Variants in ATP6V1D observed in about 807,000 individuals in gnomAD.
ATP6V1D encodes the protein ATPase H+ transporting V1 subunit D, also known as V-type proton ATPase subunit D.
A neutral mutation model predicts 39.4 loss-of-function variants in ATP6V1D; 20 were observed. The observed-to-expected ratio is 0.51, with a 90% CI of 0.36 to 0.74. The LOEUF (loss-of-function observed/expected upper bound fraction) is 0.74. Ranked by LOEUF, ATP6V1D falls within the 30% of genes least tolerant of loss-of-function variation. The probability of loss-of-function intolerance (pLI) is 0.00; values close to 1 mark genes in which losing one functional copy is unlikely to be tolerated. For synonymous variants in ATP6V1D, 100 were observed against 100.5 expected (o/e 0.99, Z 0.03); for missense variants, 228 against 291.6 (o/e 0.78, Z 1.59).
rs200215027 is a variant in ATP6V1D, at chr14:67,350,700, C to T, written c.160-10G>A. ...CCATCAACATTTTAGTCTGGAAAAG[C>T]ATAAACCAACAGCAGATTCAACCAA... On this transcript the variant is annotated splice_polypyrimidine_tract_variant and intron_variant, in intron 2 of 8. Transcript: ENST00000216442. 1 of 1,611,476 alleles carries T rather than the reference C, an allele frequency of 6.2e-7. No individual in the cohort carries two copies. The highest frequency in any genetic ancestry group is 8.5e-7 in the Non-Finnish European group (1 of 1,178,372).
At chr14:67,358,168 C>T (rs1000238844) in intron 1 of ATP6V1D, among the ~76,000 whole-genome samples, 2 of 152,068 alleles carry the variant, frequency 1.3e-5, no homozygotes, top group Non-Finnish European at 1.5e-5. Context: ...AAACTAGTGT[C>T]GATGTCTTTC....
chr14:67,349,182 A>G, intron 3 of ATP6V1D, 78 bp from the exon 4 acceptor site: 1 of 1,331,796 alleles, frequency 7.5e-7, no homozygotes, highest in South Asian at 1.2e-5. Flanking sequence ...TAGTTTTAAC[A>G]TTAAATGAGA....
At position 67,338,562 on chromosome 14, in the gene ATP6V1D, C is replaced by T. The variant is rs2085556553; in HGVS notation, c.*59G>A. On this transcript the variant is annotated 3_prime_UTR_variant, in exon 9 of 9. Coordinates refer to ENST00000216442, the MANE Select transcript of ATP6V1D (RefSeq NM_015994.4). ...AATAGCCACACAAATCAAACCTACA[C>T]ACTGTGAATTAAAATGAAGCCAGTG... 2.6e-6 allele frequency: 4 copies of T among 1,567,610 alleles called. No individual in the cohort carries two copies. The highest frequency in any genetic ancestry group is 3.5e-6 in the Non-Finnish European group (4 of 1,155,856).
Position 67,350,692 on chromosome 14 carries a change from T to C in ATP6V1D, c.160-2A>G, listed in dbSNP as rs1391965389. The stretch of plus-strand genomic sequence containing the variant: ...CACTTCGCCCATCAACATTTTAGTC[T>C]GGAAAAGCATAAACCAACAGCAGAT... On this transcript the variant is annotated splice_acceptor_variant, in intron 2 of 8. Coordinates refer to ENST00000216442, the MANE Select transcript of ATP6V1D (RefSeq NM_015994.4). LOFTEE classifies it high-confidence loss of function. 5 of 1,612,882 alleles carry C rather than the reference T, an allele frequency of 3.1e-6. No homozygotes were observed. Among genetic ancestry groups the C allele is most frequent in the Non-Finnish European group, 4.2e-6 (5 of 1,179,348 alleles).
At chr14:67,346,160 G>T (rs1338814852) in intron 5 of ATP6V1D, among the ~76,000 whole-genome samples, 1 of 152,100 alleles carries the variant, frequency 6.6e-6, no homozygotes, top group Non-Finnish European at 1.5e-5. Flanking sequence ...AAATCATACT[G>T]CCTGATGCCC....
chr14:67,358,803 C>T (rs1056079455), intron 1 of ATP6V1D, among the ~76,000 whole-genome samples: 2 of 152,288 alleles, frequency 1.3e-5, no homozygotes, highest in South Asian at 4.1e-4. Flanking sequence ...TACAAACTAG[C>T]CAAACACCTA....
intron 7 of ATP6V1D, 85 bp downstream of exon 7, chr14:67,343,287 A>G: frequency 9.8e-7 from 1 of 1,024,392 alleles, no homozygotes; most frequent in Admixed American, 2.1e-5. Flanking sequence ...TTCAGTCTTC[A>G]GTACAGTCCC....
chr14:67,355,329 GC>G (rs1412444263), intron 1 of ATP6V1D, among the ~76,000 whole-genome samples: 1 of 150,994 alleles, frequency 6.6e-6, no homozygotes, highest in Non-Finnish European at 1.5e-5. Flanking sequence ...CCCATCAGAA[GC>G]CCCAATACCA....
chr14:67,340,380 A>G (rs1167811798), intron 8 of ATP6V1D, 60 bp downstream of exon 8: 1 of 1,432,888 alleles, frequency 7.0e-7, no homozygotes, highest in African/African-American at 1.4e-5. Flanking sequence ...TCATTCAGCA[A>G]ATACAGCCTT....
intron 1 of ATP6V1D, among the ~76,000 whole-genome samples, chr14:67,355,449 CAAAAAAAAAAAA>C (rs564931669): frequency 2.1e-3 from 40 of 18,958 alleles, no homozygotes; most frequent in Admixed American, 0.011. Flanking sequence ...GACCCTGTCT[CAAAAAAAAAAAA>C]AAAAAAAAAA....
intron 1 of ATP6V1D, among the ~76,000 whole-genome samples, chr14:67,357,264 G>GC (rs751743707): frequency 6.6e-6 from 1 of 152,234 alleles, no homozygotes; most frequent in Non-Finnish European, 1.5e-5. Flanking sequence ...ATATTTTCTA[G>GC]CCTATGGCTT....
chr14:67,343,560 C>T, intron 6 of ATP6V1D, 122 bp from the exon 7 acceptor site: 1 of 748,868 alleles, frequency 1.3e-6, no homozygotes, highest in Non-Finnish European at 2.2e-6. Flanking sequence ...TTCTTTTTGG[C>T]ATGCTTAAAA....
chr14:67,341,688 C>A (rs1004846522), intron 7 of ATP6V1D, among the ~76,000 whole-genome samples: 1 of 152,240 alleles, frequency 6.6e-6, no homozygotes, highest in Non-Finnish European at 1.5e-5. Context: ...GAGGTGTACC[C>A]AACAGCTCAC....
intron 6 of ATP6V1D, among the ~76,000 whole-genome samples, chr14:67,345,482 G>A (rs1305146703): frequency 6.6e-6 from 1 of 152,036 alleles, no homozygotes; most frequent in African/African-American, 2.4e-5. Context: ...TTGAACCCAG[G>A]AGGCAGAGGT....
rs1313883223 is a variant in ATP6V1D at position 67,338,479 on chromosome 14, C to A, written c.*142G>T. Reference sequence around the variant, plus strand: ...AAATTATGATTCTGCAAAAGTAATCCCATAAATAGACATCTAGGTAAATTT... The same window carrying A: ...AAATTATGATTCTGCAAAAGTAATCACATAAATAGACATCTAGGTAAATTT... On this transcript the variant is annotated 3_prime_UTR_variant, in exon 9 of 9. Transcript: ENST00000216442. The A allele has an allele frequency of 5.6e-6, 5 of 886,814 alleles. No individual in the cohort carries two copies. The highest frequency in any genetic ancestry group is 2.1e-5 in the South Asian group (1 of 47,544). 54.9% of individuals were successfully genotyped at this position (886,814 alleles called of 1,614,324 possible).
At chr14:67,342,423 T>G (rs1375896060) in intron 7 of ATP6V1D, among the ~76,000 whole-genome samples, 1 of 151,416 alleles carries the variant, frequency 6.6e-6, no homozygotes, top group African/African-American at 2.4e-5. Context: ...ATTTTAAATA[T>G]AGTAGCAATC....
At chr14:67,353,282 G>A (rs1332449378) in intron 1 of ATP6V1D, among the ~76,000 whole-genome samples, 2 of 152,158 alleles carry the variant, frequency 1.3e-5, no homozygotes, top group East Asian at 3.8e-4. Flanking sequence ...AGAGATGACT[G>A]GGTCATCTGG....
chr14:67,338,646 T>G lies in ATP6V1D; in HGVS notation c.719A>C (p.Lys240Thr). The change falls in exon 9 of 9, where the codon AAG becomes ACG. Residue 240 changes from lysine (K) to threonine (T), a missense_variant. Lys to Thr is a moderately conservative substitution (Grantham distance 78). Around this residue, in one of 3 missense-constraint regions of ATP6V1D, gnomAD observed 114 missense variants for 128.3 expected, o/e 0.89. Transcript: ENST00000216442. Reference protein sequence around the residue: ...LEPANLLAEEKDEDLLFE With the variant: ...LEPANLLAEETDEDLLFE ...TTATTCAAATAGAAGATCCTCGTCC[T>G]TCTCTTCAGCCAGAAGATTAGCAGG... 1 of 1,614,088 alleles carries G rather than the reference T, an allele frequency of 6.2e-7. No individual in the cohort carries two copies. The highest frequency in any genetic ancestry group is 1.3e-5 in the African/African-American group (1 of 75,068).
chr14:67,351,662 C>G (rs532372216), intron 2 of ATP6V1D, among the ~76,000 whole-genome samples: 59 of 152,096 alleles, frequency 3.9e-4, no homozygotes, highest in African/African-American at 1.4e-3. Flanking sequence ...GTGCATGCCA[C>G]CACACTCTGC....
Sources: gnomAD v4.1 joint callset for allele counts (sites outside exome capture counted in the v4.1 genomes callset) on GRCh38, gnomAD v4.1.1 for gene constraint, gnomAD v4.1.1 regional missense constraint, MANE v1.5 for transcripts, NCBI Gene and HGNC (gene_info 2026-07-23, HGNC 2026-07-21) for gene names.